Variants in USP15 observed in about 807,000 individuals in gnomAD.
The protein encoded by USP15 is ubiquitin carboxyl-terminal hydrolase 15.
USP15 carries 18 observed loss-of-function variants against 127.1 expected under a neutral mutation model. That is an observed-to-expected ratio of 0.14 (90% confidence interval 0.10 to 0.21). The LOEUF is 0.21. Ranked by LOEUF, USP15 falls within the 10% of genes least tolerant of loss-of-function variation. USP15 has a pLI of 1.00. For missense variants in USP15, 805 were observed against 1,159.9 expected, an observed-to-expected ratio of 0.69 and a Z score of 4.44; for synonymous variants, 364 against 393.7, an observed-to-expected ratio of 0.92 and a Z score of 0.89.
intron 9 of USP15, 76 bp from the exon 10 acceptor site, chr12:62,383,764 T>G: frequency 6.3e-6 from 9 of 1,419,788 alleles, no homozygotes; most frequent in South Asian, 1.6e-5. Flanking sequence ...CCATGAATAA[T>G]GAGAATCTAT....
intron 11 of USP15, among the ~76,000 whole-genome samples, chr12:62,384,541 A>G (rs900044412): frequency 3.3e-5 from 5 of 151,636 alleles, no homozygotes; most frequent in South Asian, 2.1e-4. Context: ...AAGGCTTTTT[A>G]TAGAGGTTTA....
intron 1 of USP15, chr12:62,267,218 A>G (rs1039911004): frequency 6.6e-6 from 1 of 152,088 alleles, no homozygotes; most frequent in African/African-American, 2.4e-5. Context: ...CTCTGAAGCC[A>G]CTTCGCCAGA....
At chr12:62,313,976 C>T (rs2064757394) in intron 3 of USP15, 1 of 813,044 alleles carries the variant, frequency 1.2e-6, no homozygotes, top group South Asian at 5.6e-5. Flanking sequence ...CATATCAGGC[C>T]TATTACTATT....
At chr12:62,398,067 C>T (rs1159825554) in intron 20 of USP15, among the ~76,000 whole-genome samples, 2 of 151,672 alleles carry the variant, frequency 1.3e-5, no homozygotes, top group African/African-American at 4.8e-5. Context: ...TATTGGCTCA[C>T]TGCAACCTCC....
chr12:62,390,050 A>C, intron 14 of USP15, 62 bp downstream of exon 14: 1 of 1,401,482 alleles, frequency 7.1e-7, no homozygotes, highest in Non-Finnish European at 9.5e-7. Context: ...AAAATAGCTA[A>C]TAAAAATAAA....
intron 1 of USP15, among the ~76,000 whole-genome samples, chr12:62,281,701 A>G (rs1490509280): frequency 6.6e-6 from 1 of 151,072 alleles, no homozygotes. Flanking sequence ...AGATAGCCCT[A>G]AGAGAAATAT....
At position 62,404,162 on chromosome 12, in the gene USP15, A is replaced by G. The variant is rs2067789876; in HGVS notation, c.2764-31A>G. On this transcript the variant is annotated intron_variant, in intron 21 of 21. Coordinates refer to ENST00000280377, the MANE Select transcript of USP15 (RefSeq NM_001252078.2). ...GTATTTAACGTGATCTTTGAGAATC[A>G]TAACTGTTTTAACATCCTTTGTTTT... 1.9e-6 allele frequency: 3 copies of G among 1,543,588 alleles called. No homozygotes were observed. In the South Asian group the frequency reaches 3.7e-5, roughly 19 times the overall value.
At chr12:62,323,090 C>T (rs2065030839) in intron 5 of USP15, among the ~76,000 whole-genome samples, 1 of 152,184 alleles carries the variant, frequency 6.6e-6, no homozygotes, top group African/African-American at 2.4e-5. Context: ...TCTATTCAGC[C>T]TTCCCTATTT....
At chr12:62,383,212 A>G (rs973327696) in intron 9 of USP15, among the ~76,000 whole-genome samples, 7 of 151,898 alleles carry the variant, frequency 4.6e-5, no homozygotes, top group Non-Finnish European at 7.4e-5. Context: ...CTACTGAACC[A>G]TTACTCCTAG....
At chr12:62,316,177 T>C (rs1486774684) in intron 4 of USP15, among the ~76,000 whole-genome samples, 2 of 151,656 alleles carry the variant, frequency 1.3e-5, no homozygotes, top group Non-Finnish European at 2.9e-5. Context: ...TCCCAGCTAC[T>C]TGGGAGGCTG....
intron 4 of USP15, among the ~76,000 whole-genome samples, chr12:62,317,405 A>G (rs747082582): frequency 1.8e-4 from 27 of 152,332 alleles, no homozygotes; most frequent in Middle Eastern, 3.4e-3. Flanking sequence ...ACCAAGTGGT[A>G]GAGCTAGTAC....
chr12:62,336,308 C>A (rs144136356), intron 6 of USP15: 20 of 985,346 alleles, frequency 2.0e-5, no homozygotes, highest in Non-Finnish European at 2.4e-5. Flanking sequence ...CAAATTAAAC[C>A]AAATCTTTTT....
intron 5 of USP15, 39 bp from the exon 6 acceptor site, chr12:62,325,833 G>A: frequency 6.5e-7 from 1 of 1,541,188 alleles, no homozygotes; most frequent in East Asian, 2.3e-5. Flanking sequence ...TAACTTCAGA[G>A]TTATGGAAAA....
At chr12:62,266,341 TTTC>T (rs1367714269) in intron 1 of USP15, among the ~76,000 whole-genome samples, 1 of 152,170 alleles carries the variant, frequency 6.6e-6, no homozygotes, top group Non-Finnish European at 1.5e-5. Context: ...TACATACGGC[TTTC>T]TTCTTGGACT....
At chr12:62,289,264 G>C (rs968249941) in intron 1 of USP15, among the ~76,000 whole-genome samples, 2 of 150,034 alleles carry the variant, frequency 1.3e-5, no homozygotes, top group African/African-American at 4.9e-5. Flanking sequence ...TCATCTTACT[G>C]ATTTAATCTT....
At chr12:62,320,476 T>C (rs910803718) in intron 4 of USP15, among the ~76,000 whole-genome samples, 6 of 152,220 alleles carry the variant, frequency 3.9e-5, no homozygotes, top group East Asian at 1.9e-4. Context: ...TAGTTCTCTA[T>C]AGCAGTGTGA....
chr12:62,394,641 A>G (rs768102866), intron 19 of USP15, among the ~76,000 whole-genome samples: 1 of 152,142 alleles, frequency 6.6e-6, no homozygotes, highest in Non-Finnish European at 1.5e-5. Context: ...CAAGGTCAGG[A>G]GAGCAAGACT....
At chr12:62,342,508 C>A (rs944360761) in intron 6 of USP15, among the ~76,000 whole-genome samples, 1 of 152,130 alleles carries the variant, frequency 6.6e-6, no homozygotes, top group East Asian at 1.9e-4. Context: ...GAATTTTCAG[C>A]GTTTTTGTGC....
chr12:62,328,306 A>G (rs1291469941), intron 6 of USP15: 1 of 454,202 alleles, frequency 2.2e-6, no homozygotes, highest in Non-Finnish European at 4.4e-6. Flanking sequence ...TGTGGGCCAT[A>G]TGGTCTCTGT....
Sources: gnomAD v4.1 joint callset for allele counts (sites outside exome capture counted in the v4.1 genomes callset) on GRCh38, gnomAD v4.1.1 for gene constraint, MANE v1.5 for transcripts, NCBI Gene and HGNC (gene_info 2026-07-23, HGNC 2026-07-21) for gene names.